Variants in MYRFL observed in about 807,000 individuals in gnomAD.
MYRFL encodes the protein myelin regulatory factor-like protein.
MYRFL carries 88 observed loss-of-function variants against 109.4 expected under a neutral mutation model. That is an observed-to-expected ratio of 0.80 (90% CI 0.68 to 0.96). The LOEUF is 0.96. Ranked by LOEUF, MYRFL falls within the 40% of genes least tolerant of loss-of-function variation. MYRFL has a pLI of 0.00. For synonymous variants in MYRFL, 324 were observed against 320.9 expected, an observed-to-expected ratio of 1.01 and a Z score of -0.10; for missense variants, 957 against 954.9, an observed-to-expected ratio of 1.00 and a Z score of -0.03.
Position 69,952,172 on chromosome 12 carries a change from G to A in MYRFL, c.2284G>A (p.Asp762Asn). 1 of 1,536,122 alleles carries A rather than the reference G, an allele frequency of 6.5e-7. No homozygotes were observed. The highest frequency in any genetic ancestry group is 8.7e-7 in the Non-Finnish European group (1 of 1,146,872). The change falls in exon 20 of 25, where the codon GAC becomes AAC. Residue 762 changes from aspartate to asparagine, a missense_variant. Asp to Asn is a conservative substitution (Grantham distance 23). Coordinates refer to ENST00000552032, the MANE Select transcript of MYRFL (RefSeq NM_182530.3). ...NALSGPDWESDWIDTTISSIQ... is the reference protein window; with the variant it reads ...NALSGPDWESNWIDTTISSIQ... ...ACTCAGCGGCCCTGACTGGGAGAGTGACTGTAAGTTGACATTTAAGTGACA... is the reference window on the plus strand; with the variant it reads ...ACTCAGCGGCCCTGACTGGGAGAGTAACTGTAAGTTGACATTTAAGTGACA...
chr12:69,867,121 T>A (rs1347687853), intron 2 of MYRFL, among the ~76,000 whole-genome samples: 1 of 152,196 alleles, frequency 6.6e-6, no homozygotes, highest in Non-Finnish European at 1.5e-5. Flanking sequence ...GTGGTAGAGT[T>A]TGGGTTAGTT....
chr12:69,885,802 C>G (rs912375468), intron 5 of MYRFL, among the ~76,000 whole-genome samples: 6 of 152,152 alleles, frequency 3.9e-5, no homozygotes, highest in Non-Finnish European at 8.8e-5. Context: ...ATATTGCACA[C>G]TAACAAGATT....
chr12:69,851,992 G>T (rs926421229), intron 1 of MYRFL, among the ~76,000 whole-genome samples: 6 of 152,222 alleles, frequency 3.9e-5, no homozygotes, highest in African/African-American at 1.4e-4. Context: ...TATCGCTCTA[G>T]TCCTCTGCCT....
At chr12:69,943,940 T>C (rs1955749802) in intron 19 of MYRFL, among the ~76,000 whole-genome samples, 1 of 149,800 alleles carries the variant, frequency 6.7e-6, no homozygotes, top group South Asian at 2.1e-4. Context: ...AAAATGCTCA[T>C]CATCACTGGC....
chr12:69,936,080 T>TTTG, intron 16 of MYRFL, 33 bp from the exon 17 acceptor site: 1 of 502,158 alleles, frequency 2.0e-6, no homozygotes, highest in South Asian at 3.4e-5. Flanking sequence ...CACATAATGT[T>TTTG]TTTTTTTTTT....
At chr12:69,938,960 C>A (rs755846447) in intron 19 of MYRFL, among the ~76,000 whole-genome samples, 2 of 152,180 alleles carry the variant, frequency 1.3e-5, no homozygotes, top group Admixed American at 6.5e-5. Flanking sequence ...GGGTCACTCC[C>A]ACCCGAATAC....
chr12:69,907,812 G>A (rs1592803207), intron 11 of MYRFL, among the ~76,000 whole-genome samples: 1 of 152,250 alleles, frequency 6.6e-6, no homozygotes, highest in East Asian at 1.9e-4. Context: ...AACACTCATT[G>A]AATCTCCAGT....
At chr12:69,828,264 C>T (rs935961116) in intron 1 of MYRFL, among the ~76,000 whole-genome samples, 6 of 151,922 alleles carry the variant, frequency 3.9e-5, no homozygotes, top group African/African-American at 9.7e-5. Flanking sequence ...TAACTGATAT[C>T]GGTGCAAATG....
At chr12:69,952,683 CTT>C (rs1956009009) in intron 20 of MYRFL, 114 bp from the exon 21 acceptor site, 1 of 719,554 alleles carries the variant, frequency 1.4e-6, no homozygotes. Context: ...AATGGAATCT[CTT>C]GACCTGGGAA....
chr12:69,902,030 G>T (rs888546367), intron 10 of MYRFL, among the ~76,000 whole-genome samples: 2 of 151,896 alleles, frequency 1.3e-5, no homozygotes, highest in African/African-American at 4.8e-5. Flanking sequence ...AGTAGCTGGG[G>T]CTATAGGAAC....
Position 69,879,262 on chromosome 12 carries a change from T to G in MYRFL, c.273T>G (p.Ala91=), listed in dbSNP as rs1350410308. The G allele has an allele frequency of 5.7e-6, 4 of 702,920 alleles. No individual in the cohort carries two copies. The highest frequency in any genetic ancestry group is 1.0e-5 in the Non-Finnish European group (4 of 384,854). 43.5% of individuals were successfully genotyped at this position (702,920 alleles called of 1,614,324 possible). Residue 91 remains alanine (A), a synonymous_variant, in exon 4 of 25, where the codon GCT becomes GCG. Transcript: ENST00000552032. ...RTPAPFLHPT[A]APAMPPMHPL... is the part of the protein sequence containing the mutation. ...CAGCTCCTTTTCTCCACCCCACAGC[T>G]GCTCCTGCGATGCCGCCCATGCACC...
chr12:69,866,589 C>T (rs571313241), intron 2 of MYRFL, among the ~76,000 whole-genome samples: 2 of 152,258 alleles, frequency 1.3e-5, no homozygotes, highest in South Asian at 4.1e-4. Flanking sequence ...CCTGGGTTTA[C>T]TACAAATCAT....
intron 5 of MYRFL, among the ~76,000 whole-genome samples, chr12:69,880,827 G>A (rs957664071): frequency 6.6e-6 from 1 of 152,092 alleles, no homozygotes; most frequent in Non-Finnish European, 1.5e-5. Flanking sequence ...ACAGGGAGGT[G>A]GAAAGTTGAA....
chr12:69,958,350 C>T (rs1292893213), intron 24 of MYRFL, 27 bp downstream of exon 24: 1 of 1,528,906 alleles, frequency 6.5e-7, no homozygotes, highest in Non-Finnish European at 8.7e-7. Flanking sequence ...TTTTTCTTTT[C>T]AGTGAGAAAG....
At chr12:69,925,796 T>C (rs1023745596) in intron 13 of MYRFL, among the ~76,000 whole-genome samples, 1 of 152,240 alleles carries the variant, frequency 6.6e-6, no homozygotes, top group Non-Finnish European at 1.5e-5. Flanking sequence ...AAATTGCTTT[T>C]TTTTAGTTAG....
Position 69,952,824 on chromosome 12 carries a change from TC to T in MYRFL, c.2314del (p.Gln772ArgfsTer8). The T allele has an allele frequency of 6.5e-7, 1 of 1,535,332 alleles. No individual in the cohort carries two copies. The highest frequency in any genetic ancestry group is 8.7e-7 in the Non-Finnish European group (1 of 1,146,278). The part of the protein sequence containing the change: ...DWIDTTISSI[Q>X]IMEIQQIIDH... ...GGATTGATACAACCATCAGTTCTAT[TC>T]AGATTATGGAAATCCAGCAAATAAT... On this transcript the variant is annotated frameshift_variant, in exon 21 of 25. Coordinates refer to ENST00000552032, the MANE Select transcript of MYRFL (RefSeq NM_182530.3). LOFTEE classifies it high-confidence loss of function.
chr12:69,838,310 C>T (rs956651590), intron 1 of MYRFL, among the ~76,000 whole-genome samples: 6 of 152,174 alleles, frequency 3.9e-5, no homozygotes, highest in Admixed American at 3.9e-4. Flanking sequence ...AGCTGTCCTT[C>T]CTTTTGAAAG....
In MYRFL at chr12:69,842,025, C is replaced by T. The variant is rs73134871; in HGVS notation, c.47-13255C>T. 5.7e-3 allele frequency among the ~76,000 whole-genome samples: 863 copies of T among 152,324 alleles called. 3 individuals carry two copies. Among genetic ancestry groups the T allele is most frequent in the Non-Finnish European group, 8.6e-3 (583 of 68,034 alleles). On this transcript the variant is annotated intron_variant, in intron 1 of 24. Transcript: ENST00000552032. ...GCTAGCTAACTTATCCTGGGTTACA[C>T]AGCTAAGTCTCAGCAAAGATGTAAG... is the stretch of plus-strand genomic sequence containing the variant.
At chr12:69,828,620 T>C (rs2136312307) in intron 1 of MYRFL, among the ~76,000 whole-genome samples, 1 of 152,246 alleles carries the variant, frequency 6.6e-6, no homozygotes, top group South Asian at 2.1e-4. Context: ...ACCTCAAGTT[T>C]GAAATTAATA....
Sources: allele counts gnomAD v4.1 joint callset (sites outside exome capture counted in the v4.1 genomes callset), GRCh38; gene constraint gnomAD v4.1.1; transcripts MANE v1.5; gene names NCBI Gene and HGNC (gene_info 2026-07-23, HGNC 2026-07-21).